The following CTSH variants were observed in gnomAD, a reference collection of about 807,000 sequenced individuals.
The protein encoded by CTSH is pro-cathepsin H.
In CTSH, 52 loss-of-function variants were observed where a neutral mutation model predicts 56.3. The ratio of observed to expected loss-of-function variants is 0.92; its 90% CI spans 0.74 to 1.16. The LOEUF is 1.16. CTSH is among the 50% of genes most tolerant of loss of function. The pLI, the probability that CTSH is intolerant of heterozygous loss-of-function variation, is 0.00. For missense variants in CTSH, 406 were observed against 424.5 expected (o/e 0.96, Z 0.38); for synonymous variants, 174 against 155.7 (o/e 1.12, Z -0.88).
At chr15:78,929,378 G>T in intron 8 of CTSH, 34 bp downstream of exon 8, 3 of 1,540,660 alleles carry the variant, frequency 1.9e-6, no homozygotes, top group Non-Finnish European at 1.8e-6. Context: ...CATGCTGTAC[G>T]CCAAGAAGAC....
rs757471478 is a variant in CTSH at position 78,925,426 on chromosome 15, C to T, written c.714G>A (p.Ala238=). The stretch of plus-strand genomic sequence containing the variant: ...TGTAGAGGGCCACAGCCTCCACCAT[C>T]GCTTCCTCGTCATACTGTGGAAACA... ...VANITIYDEE[A]MVEAVALYNP... is the part of the protein sequence containing the mutation. Residue 238 remains alanine (A), a synonymous_variant, in exon 10 of 12, where the codon GCG becomes GCA. Transcript: ENST00000220166. 15 of 1,613,260 alleles carry T rather than the reference C, an allele frequency of 9.3e-6. No individual in the cohort carries two copies. The highest frequency in any genetic ancestry group is 3.3e-5 in the Admixed American group (2 of 60,010).
At position 78,922,086 on chromosome 15, in the gene CTSH, C is replaced by T. The variant is rs1169524925; in HGVS notation, c.*44G>A. 14 of 1,533,690 alleles carry T rather than the reference C, an allele frequency of 9.1e-6. No individual in the cohort carries two copies. In the Admixed American group the frequency reaches 1.2e-4, roughly 13 times the overall value. ...GATTTCCACCCAGGCCCAGGCTGCC[C>T]GTTCCTCTCCTTCTCCGCCAGTCTG... On this transcript the variant is annotated 3_prime_UTR_variant, in exon 12 of 12. Transcript: ENST00000220166.
chr15:78,937,786 A>C (rs1372440335), intron 2 of CTSH: 10 of 1,303,240 alleles, frequency 7.7e-6, no homozygotes, highest in Non-Finnish European at 1.0e-5. Flanking sequence ...GTGTTCCCCA[A>C]CTGATTCTGC....
chr15:78,924,119 A>C (rs1016363408), intron 10 of CTSH, among the ~76,000 whole-genome samples: 22 of 2,248 alleles, frequency 9.8e-3, no homozygotes, highest in East Asian at 0.022. Context: ...GAGGGTGGGC[A>C]GGGTGGGTCA....
chr15:78,929,053 A>T (rs2141529733), intron 8 of CTSH, among the ~76,000 whole-genome samples: 1 of 152,220 alleles, frequency 6.6e-6, no homozygotes, highest in Admixed American at 6.5e-5. Context: ...TCCTTGGCAC[A>T]AGAGGCCAAC....
At chr15:78,938,376 A>G (rs908142556) in intron 2 of CTSH, among the ~76,000 whole-genome samples, 1 of 152,074 alleles carries the variant, frequency 6.6e-6, no homozygotes, top group Non-Finnish European at 1.5e-5. Flanking sequence ...CTCAAAAAAA[A>G]AAAAATATTT....
chr15:78,925,686 C>A, intron 9 of CTSH: 2 of 424,738 alleles, frequency 4.7e-6, no homozygotes, highest in Non-Finnish European at 8.9e-6. Context: ...CGGGGTACAG[C>A]GTGGACCTAC....
At chr15:78,935,488 A>G (rs1431364577) in intron 4 of CTSH, among the ~76,000 whole-genome samples, 192 bp downstream of exon 4, 1 of 152,236 alleles carries the variant, frequency 6.6e-6, no homozygotes, top group Non-Finnish European at 1.5e-5. Flanking sequence ...AGGGTCCACA[A>G]TGCTAAGGCC....
At chr15:78,931,644 C>G in intron 6 of CTSH, 138 bp from the exon 7 acceptor site, 1 of 1,532,924 alleles carries the variant, frequency 6.5e-7, no homozygotes, top group Non-Finnish European at 8.8e-7. Flanking sequence ...TATAAACTCC[C>G]CAAGGGCAGG....
intron 5 of CTSH, among the ~76,000 whole-genome samples, chr15:78,934,603 C>T (rs753240518): frequency 6.6e-6 from 1 of 152,142 alleles, no homozygotes; most frequent in Non-Finnish European, 1.5e-5. Context: ...GGGGCTGGAC[C>T]CTGGTGGCTC....
At position 78,927,773 on chromosome 15, in the gene CTSH, A is replaced by G. The variant is rs768504029; in HGVS notation, c.639T>C (p.Tyr213=). The G allele has an allele frequency of 3.1e-6, 5 of 1,614,154 alleles. No homozygotes were observed. The highest frequency in any genetic ancestry group is 2.2e-5 in the East Asian group (1 of 44,880). ...DTYPYQGKDG[Y]CKFQPGKAIG... is the part of the protein sequence containing the mutation. The stretch of plus-strand genomic sequence containing the variant: ...TGGCCTTTCCAGGTTGGAACTTGCA[A>G]TAACCATCCTGTTGAGGATGCAAAG... The change falls in exon 9 of 12, where the codon TAT becomes TAC. Residue 213 remains tyrosine (Y), a synonymous_variant. Coordinates refer to ENST00000220166, the MANE Select transcript of CTSH (RefSeq NM_004390.5).
At chr15:78,924,814 C>T (rs368207388) in intron 10 of CTSH, among the ~76,000 whole-genome samples, 3 of 151,112 alleles carry the variant, frequency 2.0e-5, no homozygotes, top group African/African-American at 4.9e-5. Context: ...CTCAGCCTCC[C>T]GAGTAGCTGG....
At chr15:78,928,757 G>C (rs182283309) in intron 8 of CTSH, among the ~76,000 whole-genome samples, 1 of 152,150 alleles carries the variant, frequency 6.6e-6, no homozygotes, top group Admixed American at 6.5e-5. Flanking sequence ...GCCCCGGTCT[G>C]AGTGGTCAGC....
At chr15:78,926,926 C>A (rs964960513) in intron 9 of CTSH, 1 of 152,226 alleles carries the variant, frequency 6.6e-6, no homozygotes, top group African/African-American at 2.4e-5. Flanking sequence ...CATGCTTCAA[C>A]TAAATGGCAG....
rs769040305 is a variant in CTSH, at chr15:78,934,951, G to A, written c.405+27C>T. On this transcript the variant is annotated intron_variant, in intron 5 of 11. Coordinates refer to ENST00000220166, the MANE Select transcript of CTSH (RefSeq NM_004390.5). ...GTCTGGGAGTGTGGCCGTTTTGCAG[G>A]GAGAGGATGGAGATTGCCAGGCATA... The A allele has an allele frequency of 1.6e-5, 24 of 1,467,798 alleles. No individual in the cohort carries two copies. In the South Asian group the frequency reaches 2.5e-4, roughly 15 times the overall value. 90.9% of individuals were successfully genotyped at this position (1,467,798 alleles called of 1,614,324 possible).
chr15:78,937,932 C>T (rs1352525648), intron 2 of CTSH: 1 of 601,558 alleles, frequency 1.7e-6, no homozygotes, highest in African/African-American at 1.9e-5. Context: ...AAATCAAGGT[C>T]ATTGGGAGAT....
At chr15:78,932,128 A>C in intron 6 of CTSH, 1 of 1,185,722 alleles carries the variant, frequency 8.4e-7, no homozygotes, top group South Asian at 2.0e-5. Context: ...CCAGGCTGTC[A>C]AGCTAAGGAC....
At chr15:78,931,835 G>T in intron 6 of CTSH, 1 of 1,289,018 alleles carries the variant, frequency 7.8e-7, no homozygotes. Context: ...TATAGGATGG[G>T]GGAAACAGGC....
intron 10 of CTSH, among the ~76,000 whole-genome samples, chr15:78,924,108 GGAGGGTGGGC>G (rs2054842279): frequency 8.2e-6 from 1 of 122,356 alleles, no homozygotes; most frequent in Non-Finnish European, 1.8e-5. Flanking sequence ...GGGGGGGGGG[GGAGGGTGGGC>G]AGGGTGGGTC....
Sources: gnomAD v4.1 joint callset for allele counts (sites outside exome capture counted in the v4.1 genomes callset) on GRCh38, gnomAD v4.1.1 for gene constraint, MANE v1.5 for transcripts, NCBI Gene and HGNC (gene_info 2026-07-23, HGNC 2026-07-21) for gene names.